The following KCTD16 variants were observed in gnomAD, a reference collection of about 807,000 sequenced individuals.
KCTD16 encodes the protein potassium channel tetramerization domain containing 16.
A neutral mutation model predicts 33.2 loss-of-function variants in KCTD16; 13 were observed. That is an observed-to-expected ratio of 0.39 (90% CI 0.25 to 0.62). KCTD16 has a LOEUF of 0.62. Among genes scored for constraint, KCTD16 ranks in the 20% least tolerant of loss-of-function variants. The pLI is 0.50. For missense variants in KCTD16, 441 were observed against 525.1 expected (o/e 0.84, Z 1.57); for synonymous variants, 197 against 195.3 (o/e 1.01, Z -0.07).
At chr5:144,323,775 A>C (rs1752135420) in intron 3 of KCTD16, among the ~76,000 whole-genome samples, 1 of 152,148 alleles carries the variant, frequency 6.6e-6, no homozygotes, top group South Asian at 2.1e-4. Context: ...AAATACTATC[A>C]ATTTAGTGTA....
chr5:144,393,232 T>C (rs1752491193), intron 3 of KCTD16, among the ~76,000 whole-genome samples: 1 of 152,194 alleles, frequency 6.6e-6, no homozygotes, highest in Non-Finnish European at 1.5e-5. Context: ...AAGATATCAA[T>C]ATCCTGGTCT....
chr5:144,230,289 T>A lies in KCTD16; in HGVS notation c.832+22743T>A, dbSNP rs73794912. Among the ~76,000 whole-genome samples the A allele has an allele frequency of 1.9e-3, 288 of 152,346 alleles. 2 individuals are homozygous for A. The highest frequency in any genetic ancestry group is 6.4e-3 in the African/African-American group (268 of 41,584). ...TGCCAGTATAAAAGTGTTTGAGTAA[T>A]TATTTGAATGCTTTATTGTATCTTG... On this transcript the variant is annotated intron_variant, in intron 3 of 3. Coordinates refer to ENST00000512467, the MANE Select transcript of KCTD16 (RefSeq NM_020768.4).
At chr5:144,258,497 T>C (rs1333666756) in intron 3 of KCTD16, among the ~76,000 whole-genome samples, 1 of 152,186 alleles carries the variant, frequency 6.6e-6, no homozygotes, top group Non-Finnish European at 1.5e-5. Context: ...TGGTTAAATA[T>C]ATAACCAAAG....
chr5:144,186,352 T>TTAAA (rs1752724127), intron 2 of KCTD16, among the ~76,000 whole-genome samples: 1 of 24,590 alleles, frequency 4.1e-5, no homozygotes. Flanking sequence ...TCATTTTTTT[T>TTAAA]AAAAAAAAAA....
chr5:144,366,311 G>A (rs1410047360), intron 3 of KCTD16, among the ~76,000 whole-genome samples: 1 of 152,170 alleles, frequency 6.6e-6, no homozygotes, highest in South Asian at 2.1e-4. Flanking sequence ...GAGTCTTGTT[G>A]ATCTGTGGAT....
chr5:144,354,989 A>G (rs900600568), intron 3 of KCTD16, among the ~76,000 whole-genome samples: 1 of 152,170 alleles, frequency 6.6e-6, no homozygotes, highest in Non-Finnish European at 1.5e-5. Flanking sequence ...AGTACTTTAA[A>G]TGCCTTGTCT....
At chr5:144,345,418 A>G (rs1752770190) in intron 3 of KCTD16, among the ~76,000 whole-genome samples, 1 of 152,196 alleles carries the variant, frequency 6.6e-6, no homozygotes, top group Admixed American at 6.5e-5. Flanking sequence ...ACACAAGTTT[A>G]TAGGCTGCCT....
chr5:144,432,310 A>T (rs1753481295), intron 3 of KCTD16, among the ~76,000 whole-genome samples: 2 of 152,198 alleles, frequency 1.3e-5, no homozygotes. Flanking sequence ...ATAAGTGCTT[A>T]CAAACCTTGT....
intron 3 of KCTD16, among the ~76,000 whole-genome samples, chr5:144,245,144 T>C (rs1754514503): frequency 6.6e-6 from 1 of 152,198 alleles, no homozygotes; most frequent in South Asian, 2.1e-4. Flanking sequence ...GGACCTGCTA[T>C]TGTGCTGGGT....
intron 3 of KCTD16, among the ~76,000 whole-genome samples, chr5:144,310,932 G>T (rs1373909931): frequency 4.6e-5 from 7 of 152,166 alleles, no homozygotes; most frequent in Non-Finnish European, 1.0e-4. Context: ...TATCCGCAGT[G>T]CTAAGGTTCA....
intron 2 of KCTD16, among the ~76,000 whole-genome samples, chr5:144,197,869 ATTTG>A (rs1752968005): frequency 6.6e-6 from 1 of 152,176 alleles, no homozygotes; most frequent in African/African-American, 2.4e-5. Flanking sequence ...AATTTTATTA[ATTTG>A]TTTGGCCACA....
chr5:144,265,398 A>ACTATAC (rs1755115311), intron 3 of KCTD16, among the ~76,000 whole-genome samples: 1 of 152,206 alleles, frequency 6.6e-6, no homozygotes, highest in African/African-American at 2.4e-5. Context: ...AAGGAGAATG[A>ACTATAC]CTATACCGTC....
At chr5:144,335,462 TCTA>T (rs1160238301) in intron 3 of KCTD16, among the ~76,000 whole-genome samples, 2 of 152,144 alleles carry the variant, frequency 1.3e-5, no homozygotes, top group Admixed American at 6.6e-5. Flanking sequence ...ATATTGGAAG[TCTA>T]CTATGAGAAA....
intron 3 of KCTD16, among the ~76,000 whole-genome samples, chr5:144,332,261 C>T (rs1752379934): frequency 6.6e-6 from 1 of 152,056 alleles, no homozygotes; most frequent in Non-Finnish European, 1.5e-5. Context: ...GAAAGCTGAA[C>T]CTAAATAGAA....
intron 3 of KCTD16, among the ~76,000 whole-genome samples, chr5:144,256,608 G>GTT (rs200822321): frequency 5.0e-5 from 7 of 139,298 alleles, no homozygotes; most frequent in Non-Finnish European, 6.4e-5. Flanking sequence ...TCCCCAAGGA[G>GTT]TTTTTTTTGT....
chr5:144,332,887 G>A (rs923919765), intron 3 of KCTD16, among the ~76,000 whole-genome samples: 5 of 152,132 alleles, frequency 3.3e-5, no homozygotes, highest in African/African-American at 1.2e-4. Context: ...TAATCATGGC[G>A]GAAGGCAAAG....
chr5:144,192,030 G>T (rs1752851830), intron 2 of KCTD16, among the ~76,000 whole-genome samples: 1 of 152,138 alleles, frequency 6.6e-6, no homozygotes, highest in Non-Finnish European at 1.5e-5. Context: ...TTCTTATAGG[G>T]CTTGGCAGGG....
intron 3 of KCTD16, among the ~76,000 whole-genome samples, chr5:144,361,903 ATT>A (rs1230312520): frequency 2.9e-5 from 3 of 104,230 alleles, no homozygotes; most frequent in East Asian, 6.1e-4. Flanking sequence ...GGCTGGTGTT[ATT>A]TTGTGTGTGT....
At chr5:144,200,170 A>T (rs78113096) in intron 2 of KCTD16, among the ~76,000 whole-genome samples, 113 of 136,270 alleles carry the variant, frequency 8.3e-4, no homozygotes, top group Non-Finnish European at 1.4e-3. Flanking sequence ...TTTTTTTTTT[A>T]AAGATCAAAT....
Sources: gnomAD v4.1 joint callset for allele counts (sites outside exome capture counted in the v4.1 genomes callset) on GRCh38, gnomAD v4.1.1 for gene constraint, MANE v1.5 for transcripts, NCBI Gene and HGNC (gene_info 2026-07-23, HGNC 2026-07-21) for gene names.